EIF3B: variants seen among roughly 807,000 people sequenced by gnomAD.
EIF3B encodes the protein eukaryotic translation initiation factor 3 subunit B.
A neutral mutation model predicts 104.6 loss-of-function variants in EIF3B; 10 were observed. The ratio of observed to expected loss-of-function variants is 0.10; its 90% CI spans 0.06 to 0.16. The LOEUF (loss-of-function observed/expected upper bound fraction) is 0.16. Among genes scored for constraint, EIF3B ranks in the 10% least tolerant of loss-of-function variants. The pLI, the probability that EIF3B is intolerant of heterozygous loss-of-function variation, is 1.00. For missense variants in EIF3B, 1,014 were observed against 1,087.9 expected (o/e 0.93, Z 0.96); for synonymous variants, 542 against 417.2 (o/e 1.30, Z -3.65).
At chr7:2,365,593 C>T (rs549181254) in intron 6 of EIF3B, among the ~76,000 whole-genome samples, 1 of 151,954 alleles carries the variant, frequency 6.6e-6, no homozygotes, top group East Asian at 1.9e-4. Context: ...GAGGAGCCCC[C>T]AGGCTCTGAA....
At chr7:2,364,308 T>G (rs1273140244) in intron 5 of EIF3B, 64 bp from the exon 6 acceptor site, 2 of 1,394,172 alleles carry the variant, frequency 1.4e-6, no homozygotes, top group Non-Finnish European at 1.9e-6. Context: ...ATAAATTCAT[T>G]GTAGGAGGGG....
chr7:2,357,314 G>T (rs1389415379), intron 1 of EIF3B, among the ~76,000 whole-genome samples: 3 of 152,200 alleles, frequency 2.0e-5, no homozygotes, highest in Non-Finnish European at 4.4e-5. Context: ...AGAGTGACAG[G>T]TGAGGCATCT....
chr7:2,361,743 C>G (rs571155180), intron 2 of EIF3B, among the ~76,000 whole-genome samples: 2 of 151,882 alleles, frequency 1.3e-5, no homozygotes, highest in Non-Finnish European at 2.9e-5. Context: ...TCTAATCTTG[C>G]CTGTAATACA....
rs751711988 is a variant in EIF3B at position 2,363,746 on chromosome 7, A to G, written c.985A>G (p.Ile329Val). The change falls in exon 5 of 19, where the codon ATT (isoleucine) becomes GTT (valine). Residue 329 changes from isoleucine to valine, a missense_variant. By Grantham distance (29) the Ile-to-Val change is conservative. Transcript: ENST00000360876. Reference sequence around the variant, plus strand: ...GAATGACGTAAAAGACCCTGTCTCAATTGAAGAAAGAGCGGTGTGTATTTG... The same window carrying G: ...GAATGACGTAAAAGACCCTGTCTCAGTTGAAGAAAGAGCGGTGTGTATTTG... ...FWNDVKDPVS[I>V]EERARWTETY... 5 of 1,613,636 alleles carry G rather than the reference A, an allele frequency of 3.1e-6. No homozygotes were observed. The highest frequency in any genetic ancestry group is 1.3e-5 in the African/African-American group (1 of 74,900).
At position 2,374,571 on chromosome 7, in the gene EIF3B, C is replaced by T; in HGVS notation, c.1854C>T (p.Pro618=). The change falls in exon 13 of 19, where the codon CCC becomes CCT. Residue 618 remains proline (P), a synonymous_variant. Transcript: ENST00000360876. ...AGGCGAACACCATCTTCTGGAGCCCCCAAGGACAGTTCGTGGTGTTGGCGG... is the reference window on the plus strand; with the variant it reads ...AGGCGAACACCATCTTCTGGAGCCCTCAAGGACAGTTCGTGGTGTTGGCGG... The part of the protein sequence containing the change: ...KQQANTIFWS[P]QGQFVVLAGL... The T allele has an allele frequency of 6.2e-7, 1 of 1,614,106 alleles. No individual in the cohort carries two copies. The highest frequency in any genetic ancestry group is 1.3e-5 in the African/African-American group (1 of 75,044).
intron 13 of EIF3B, chr7:2,374,866 G>GGTTC: frequency 2.6e-6 from 1 of 384,824 alleles, no homozygotes; most frequent in African/African-American, 2.0e-5. Context: ...TGCGGGTTGT[G>GGTTC]GTTCTCTGTG....
intron 10 of EIF3B, 97 bp from the exon 11 acceptor site, chr7:2,371,680 C>T: frequency 1.0e-6 from 1 of 967,910 alleles, no homozygotes; most frequent in South Asian, 1.3e-5. Flanking sequence ...CAGGCATGCA[C>T]ACTGAATCTT....
At chr7:2,370,177 C>A (rs1052272209) in intron 10 of EIF3B, among the ~76,000 whole-genome samples, 3 of 151,366 alleles carry the variant, frequency 2.0e-5, no homozygotes, top group Admixed American at 2.0e-4. Flanking sequence ...TTTATTTTAT[C>A]AAAAAATTGC....
intron 6 of EIF3B, 138 bp downstream of exon 6, chr7:2,364,667 T>C (rs1269890676): frequency 2.6e-6 from 2 of 768,896 alleles, no homozygotes; most frequent in South Asian, 3.7e-5. Context: ...AGCTTTTTAC[T>C]GAGATCTTCT....
chr7:2,363,342 C>G (rs117042061), intron 4 of EIF3B, among the ~76,000 whole-genome samples: 1 of 152,072 alleles, frequency 6.6e-6, no homozygotes, highest in East Asian at 1.9e-4. Context: ...ACCTGTATTC[C>G]CAGCTACCTG....
At chr7:2,364,089 G>A (rs929409789) in intron 5 of EIF3B, among the ~76,000 whole-genome samples, 2 of 152,028 alleles carry the variant, frequency 1.3e-5, no homozygotes, top group African/African-American at 4.8e-5. Flanking sequence ...GTGAAACCCC[G>A]TCTCTACTAA....
chr7:2,374,481 CTG>C (rs759871260), intron 12 of EIF3B, 45 bp from the exon 13 acceptor site: 17 of 1,598,518 alleles, frequency 1.1e-5, no homozygotes, highest in Middle Eastern at 3.4e-4. Context: ...TGCCCCGGCA[CTG>C]TGGAAGCCCT....
chr7:2,375,555 CTG>C, intron 14 of EIF3B, 28 bp downstream of exon 14: 3 of 1,613,716 alleles, frequency 1.9e-6, no homozygotes, highest in Non-Finnish European at 1.7e-6. Flanking sequence ...ATAGTTTTGA[CTG>C]TGGATAGAAG....
Position 2,354,864 on chromosome 7 carries a change from C to G in EIF3B, c.-58C>G. On this transcript the variant is annotated 5_prime_UTR_variant, in exon 1 of 19. Transcript: ENST00000360876. Reference sequence around the variant, plus strand: ...TAGCCGTCGCGGCGCGCGGTGCGGCCTGGGAGAGTCGGAAGCGCGGCGGCC... The same window carrying G: ...TAGCCGTCGCGGCGCGCGGTGCGGCGTGGGAGAGTCGGAAGCGCGGCGGCC... The G allele has an allele frequency of 9.0e-7, 1 of 1,106,070 alleles. No individual in the cohort carries two copies. The highest frequency in any genetic ancestry group is 1.1e-6 in the Non-Finnish European group (1 of 908,300). 68.5% of individuals were successfully genotyped at this position (1,106,070 alleles called of 1,614,324 possible). A position where few individuals can be genotyped will look rare whatever the true frequency, so the allele number is the denominator to read the frequency against.
At position 2,375,443 on chromosome 7, in the gene EIF3B, C is replaced by T. The variant is rs112914667; in HGVS notation, c.1944C>T (p.Ile648=). 3,600 of 1,614,180 alleles carry T rather than the reference C, an allele frequency of 2.2e-3. 54 individuals are homozygous for T. The African/African-American group carries it at 0.041, about 18-fold the overall frequency. Residue 648 remains isoleucine, a synonymous_variant, in exon 14 of 19, where the codon ATC becomes ATT. Transcript: ENST00000360876. ...VDTSDCTVMN[I]AEHYMASDVE... ...CTTCGGACTGCACGGTCATGAACAT[C>T]GCAGAGCACTACATGGCTTCCGACG...
intron 12 of EIF3B, chr7:2,373,375 G>C (rs1228049053): frequency 6.6e-6 from 1 of 152,402 alleles, no homozygotes; most frequent in Admixed American, 6.5e-5. Context: ...GATTGAATGA[G>C]CCATTGCTTG....
At chr7:2,359,016 C>G (rs537753813) in intron 1 of EIF3B, among the ~76,000 whole-genome samples, 16 of 151,670 alleles carry the variant, frequency 1.1e-4, no homozygotes, top group Admixed American at 9.8e-4. Flanking sequence ...CCCAGGAGTT[C>G]CAGGCTAGCC....
intron 15 of EIF3B, among the ~76,000 whole-genome samples, chr7:2,377,593 C>T (rs1780715708): frequency 9.7e-6 from 1 of 103,110 alleles, no homozygotes; most frequent in African/African-American, 6.4e-5. Context: ...CCCTGGGTGT[C>T]ATGGAGGAAG....
At chr7:2,376,907 C>T (rs777173658) in intron 14 of EIF3B, 43 bp from the exon 15 acceptor site, 2 of 1,590,062 alleles carry the variant, frequency 1.3e-6, no homozygotes, top group South Asian at 1.1e-5. Flanking sequence ...GGTTGTGGCT[C>T]TCTGACCCCT....
Sources: gnomAD v4.1 joint callset for allele counts (sites outside exome capture counted in the v4.1 genomes callset) on GRCh38, gnomAD v4.1.1 for gene constraint, MANE v1.5 for transcripts, NCBI Gene and HGNC (gene_info 2026-07-23, HGNC 2026-07-21) for gene names.